Variants in SHANK2 observed in about 807,000 individuals in gnomAD.
The protein encoded by SHANK2 is SH3 and multiple ankyrin repeat domains protein 2.
SHANK2 carries 43 observed loss-of-function variants against 133.7 expected under a neutral mutation model. That is an observed-to-expected ratio of 0.32 (90% CI 0.25 to 0.41). SHANK2 has a LOEUF of 0.41. Among genes scored for constraint, SHANK2 ranks in the 10% least tolerant of loss-of-function variants. The pLI, the probability that SHANK2 is intolerant of heterozygous loss-of-function variation, is 1.00. For synonymous variants in SHANK2, 1,017 were observed against 952.8 expected (o/e 1.07, Z -1.24); for missense variants, 1,994 against 2,235.8 (o/e 0.89, Z 2.18).
chr11:70,565,661 T>C (rs1283973876), intron 17 of SHANK2, among the ~76,000 whole-genome samples: 1 of 152,250 alleles, frequency 6.6e-6, no homozygotes, highest in Admixed American at 6.5e-5. Flanking sequence ...TCATCCCATC[T>C]GTTTCTCATG....
rs144734924 is a variant in SHANK2 at position 70,561,489 on chromosome 11, T to C, written c.2062-58558A>G. 2.6e-3 allele frequency among the ~76,000 whole-genome samples: 388 copies of C among 152,098 alleles called. 4 individuals are homozygous for C. The highest frequency in any genetic ancestry group is 8.8e-3 in the African/African-American group (367 of 41,514). ...ATTTTCCTTGTTTTTCTATTTTCTATGTCATTGATTGCTGTGAGCTTAATC... is the reference window on the plus strand; with the variant it reads ...ATTTTCCTTGTTTTTCTATTTTCTACGTCATTGATTGCTGTGAGCTTAATC... On this transcript the variant is annotated intron_variant, in intron 17 of 25. Coordinates refer to ENST00000601538, the MANE Select transcript of SHANK2 (RefSeq NM_012309.5).
At chr11:70,876,241 T>TACACAC (rs1461810961) in intron 11 of SHANK2, among the ~76,000 whole-genome samples, 3 of 14,864 alleles carry the variant, frequency 2.0e-4, no homozygotes, top group African/African-American at 3.0e-4. Context: ...CACACACATA[T>TACACAC]AGACACACAC....
intron 17 of SHANK2, among the ~76,000 whole-genome samples, chr11:70,622,273 T>C (rs1264573242): frequency 6.6e-6 from 1 of 152,106 alleles, no homozygotes; most frequent in African/African-American, 2.4e-5. Flanking sequence ...GCCCCACAGC[T>C]GCCCGGCAGT....
chr11:71,090,625 CTGTGTGTGTGTG>C lies in SHANK2; in HGVS notation c.912+1785_912+1796del, dbSNP rs782587800. Among the ~76,000 whole-genome samples, 940 of 102,974 alleles carry C rather than the reference CTGTGTGTGTGTG, an allele frequency of 9.1e-3. 3 individuals carry two copies. Among genetic ancestry groups the C allele is most frequent in the Non-Finnish European group, 0.015 (699 of 47,330 alleles). 67.6% of individuals were successfully genotyped at this position (102,974 alleles called of 152,430 possible). ...AGGGTTCTCCAGAGAAACACAACCT[CTGTGTGTGTGTG>C]TGTGTGTGTGTGTGTGTGTGTGTCT... On this transcript the variant is annotated intron_variant, in intron 8 of 25. Coordinates refer to ENST00000601538, the MANE Select transcript of SHANK2 (RefSeq NM_012309.5).
intron 11 of SHANK2, among the ~76,000 whole-genome samples, chr11:70,827,286 G>T (rs1948657863): frequency 1.4e-5 from 2 of 144,902 alleles, no homozygotes; most frequent in African/African-American, 5.2e-5. Flanking sequence ...TTTAAAGAGA[G>T]AGATAAAAAG....
At chr11:70,908,538 G>C (rs1950142972) in intron 10 of SHANK2, among the ~76,000 whole-genome samples, 1 of 152,202 alleles carries the variant, frequency 6.6e-6, no homozygotes, top group Non-Finnish European at 1.5e-5. Context: ...ATGGTCATGG[G>C]GATCTGCAGG....
intron 14 of SHANK2, among the ~76,000 whole-genome samples, chr11:70,715,024 T>C (rs1467889970): frequency 6.6e-5 from 10 of 151,854 alleles, no homozygotes; most frequent in Admixed American, 6.6e-4. Context: ...AGGCTGGTCT[T>C]GAACTCCTGG....
intron 17 of SHANK2, among the ~76,000 whole-genome samples, chr11:70,573,227 G>A (rs1256385043): frequency 1.3e-5 from 2 of 149,718 alleles, no homozygotes; most frequent in Admixed American, 6.7e-5. Context: ...CTGCAGCGGT[G>A]GGGGCGGGGC....
chr11:70,937,345 C>A (rs1555083594), intron 10 of SHANK2, among the ~76,000 whole-genome samples: 2 of 152,086 alleles, frequency 1.3e-5, no homozygotes. Flanking sequence ...AAAACAAAAG[C>A]CCCAAATGCC....
chr11:70,828,533 A>G (rs1164948681), intron 11 of SHANK2, among the ~76,000 whole-genome samples: 1 of 152,274 alleles, frequency 6.6e-6, no homozygotes, highest in Non-Finnish European at 1.5e-5. Flanking sequence ...AAGGCTGAAC[A>G]GCTTCCAGAA....
chr11:70,908,640 C>G (rs1415945957), intron 10 of SHANK2, among the ~76,000 whole-genome samples: 3 of 152,168 alleles, frequency 2.0e-5, no homozygotes, highest in Non-Finnish European at 4.4e-5. Flanking sequence ...GGATTCGGAC[C>G]AGGCCTCCAG....
chr11:70,785,831 G>A (rs953086692), intron 14 of SHANK2, among the ~76,000 whole-genome samples: 7 of 152,302 alleles, frequency 4.6e-5, no homozygotes, highest in African/African-American at 1.4e-4. Flanking sequence ...AACAAAAGCC[G>A]AGATTAATTT....
chr11:70,668,728 G>C (rs12275511), intron 15 of SHANK2: 2 of 152,490 alleles, frequency 1.3e-5, no homozygotes, highest in Non-Finnish European at 2.9e-5. Flanking sequence ...GTATACATAG[G>C]AGAATGGGTT....
chr11:71,173,090 T>A (rs1953352442), intron 2 of SHANK2, among the ~76,000 whole-genome samples: 1 of 152,240 alleles, frequency 6.6e-6, no homozygotes, highest in South Asian at 2.1e-4. Context: ...TTTGATGAAG[T>A]GTCTTATAAA....
intron 3 of SHANK2, among the ~76,000 whole-genome samples, chr11:71,145,781 C>T (rs1294894396): frequency 1.4e-4 from 19 of 140,410 alleles, no homozygotes; most frequent in Non-Finnish European, 2.3e-4. Flanking sequence ...CCTTCCCCAT[C>T]GTGGCTGGGG....
intron 10 of SHANK2, among the ~76,000 whole-genome samples, chr11:70,935,778 A>G (rs1370190845): frequency 6.6e-6 from 1 of 152,194 alleles, no homozygotes; most frequent in Non-Finnish European, 1.5e-5. Flanking sequence ...AAGAGACAGC[A>G]ACTTGGGAAT....
intron 11 of SHANK2, among the ~76,000 whole-genome samples, chr11:70,821,118 A>G (rs981776421): frequency 3.9e-5 from 6 of 152,184 alleles, no homozygotes; most frequent in Middle Eastern, 3.2e-3. Context: ...GTGTCCCCCA[A>G]GTTCGTGTGT....
chr11:70,621,995 C>A lies in SHANK2; in HGVS notation c.2061+37833G>T, dbSNP rs1482577787. 2.0e-5 allele frequency among the ~76,000 whole-genome samples: 3 copies of A among 152,194 alleles called. No homozygotes were observed. In the South Asian group the frequency reaches 6.2e-4, roughly 32 times the overall value. On this transcript the variant is annotated intron_variant, in intron 17 of 25. Coordinates refer to ENST00000601538, the MANE Select transcript of SHANK2 (RefSeq NM_012309.5). ...CTTCCCGGCTCTGTCCACACGGTGCCGGGAGGTTCTGGAGCTGAGCCCAGC... is the reference window on the plus strand; with the variant it reads ...CTTCCCGGCTCTGTCCACACGGTGCAGGGAGGTTCTGGAGCTGAGCCCAGC...
chr11:71,187,284 A>G (rs1953693205), intron 2 of SHANK2, among the ~76,000 whole-genome samples: 1 of 152,200 alleles, frequency 6.6e-6, no homozygotes, highest in South Asian at 2.1e-4. Flanking sequence ...GCTCAGGAAC[A>G]GTTCTTCATG....
Sources: gnomAD v4.1 joint callset for allele counts (sites outside exome capture counted in the v4.1 genomes callset) on GRCh38, gnomAD v4.1.1 for gene constraint, MANE v1.5 for transcripts, NCBI Gene and HGNC (gene_info 2026-07-23, HGNC 2026-07-21) for gene names.